Variants in SLC25A13 observed in about 807,000 individuals in gnomAD.
SLC25A13 encodes the protein solute carrier family 25 member 13, also known as electrogenic aspartate/glutamate antiporter SLC25A13, mitochondrial.
In SLC25A13, 70 loss-of-function variants were observed where a neutral mutation model predicts 85.5. That is an observed-to-expected ratio of 0.82 (90% CI 0.68 to 1.00). The LOEUF is 1.00. Ranked by LOEUF, SLC25A13 falls within the 50% of genes least tolerant of loss-of-function variation. SLC25A13 has a pLI of 0.00. For synonymous variants in SLC25A13, 259 were observed against 288.7 expected, an observed-to-expected ratio of 0.90 and a Z score of 1.04; for missense variants, 765 against 819.8, an observed-to-expected ratio of 0.93 and a Z score of 0.82.
chr7:96,303,739 C>T (rs1799638706), intron 1 of SLC25A13, among the ~76,000 whole-genome samples: 1 of 151,992 alleles, frequency 6.6e-6, no homozygotes. Context: ...TCCTGCCCTC[C>T]CATGTCAGTG....
At chr7:96,290,602 A>C (rs1016004685) in intron 2 of SLC25A13, among the ~76,000 whole-genome samples, 1 of 151,832 alleles carries the variant, frequency 6.6e-6, no homozygotes, top group African/African-American at 2.4e-5. Flanking sequence ...AAATGGAAAA[A>C]AAAAAAAAAA....
At chr7:96,294,954 C>T (rs1799292565) in intron 2 of SLC25A13, among the ~76,000 whole-genome samples, 1 of 152,164 alleles carries the variant, frequency 6.6e-6, no homozygotes. Flanking sequence ...TAAATCATTA[C>T]TTAATTTCAA....
chr7:96,185,434 T>C (rs1794596569), intron 9 of SLC25A13, among the ~76,000 whole-genome samples: 1 of 151,108 alleles, frequency 6.6e-6, no homozygotes, highest in Admixed American at 6.6e-5. Flanking sequence ...CCCATCTCTA[T>C]AATATAACAC....
At chr7:96,286,311 G>A (rs116984666) in intron 2 of SLC25A13, among the ~76,000 whole-genome samples, 15 of 147,716 alleles carry the variant, frequency 1.0e-4, no homozygotes, top group East Asian at 2.0e-4. Flanking sequence ...AAAATCTGTC[G>A]TATGCCTTAG....
intron 15 of SLC25A13, among the ~76,000 whole-genome samples, chr7:96,124,674 T>C (rs746753991): frequency 3.7e-4 from 57 of 152,242 alleles, no homozygotes; most frequent in Non-Finnish European, 7.6e-4. Flanking sequence ...TTCATATGAC[T>C]AGATTTTCTT....
intron 11 of SLC25A13, among the ~76,000 whole-genome samples, chr7:96,181,220 G>C (rs759520038): frequency 7.9e-5 from 12 of 152,154 alleles, no homozygotes; most frequent in South Asian, 2.1e-4. Flanking sequence ...TAGGAGAGAG[G>C]CTCCTGGAAA....
intron 1 of SLC25A13, 28 bp downstream of exon 1, chr7:96,321,914 C>T (rs2117049636): frequency 1.3e-6 from 2 of 1,526,694 alleles, no homozygotes; most frequent in Non-Finnish European, 1.8e-6. Flanking sequence ...GGCAGGCGCG[C>T]TCCCCCCGGC....
intron 3 of SLC25A13, among the ~76,000 whole-genome samples, chr7:96,246,357 G>A (rs547901196): frequency 5.9e-5 from 9 of 152,266 alleles, no homozygotes; most frequent in East Asian, 5.8e-4. Flanking sequence ...TGAGCTAAAC[G>A]ATTTTTTAAT....
At chr7:96,222,791 T>C (rs892385575) in intron 4 of SLC25A13, among the ~76,000 whole-genome samples, 4 of 152,216 alleles carry the variant, frequency 2.6e-5, no homozygotes, top group African/African-American at 9.6e-5. Context: ...TTTACTTCAG[T>C]TACAGAAAAA....
At chr7:96,303,627 T>C (rs553364234) in intron 1 of SLC25A13, among the ~76,000 whole-genome samples, 10 of 152,304 alleles carry the variant, frequency 6.6e-5, no homozygotes, top group African/African-American at 1.9e-4. Flanking sequence ...TTAGATGAAA[T>C]TGAGTGAGAT....
At chr7:96,263,513 A>C (rs1797934902) in intron 3 of SLC25A13, among the ~76,000 whole-genome samples, 1 of 152,000 alleles carries the variant, frequency 6.6e-6, no homozygotes, top group Non-Finnish European at 1.5e-5. Flanking sequence ...CCAGGCCTAT[A>C]AGCAGGTTGG....
At chr7:96,260,743 ACTT>A (rs1425873190) in intron 3 of SLC25A13, among the ~76,000 whole-genome samples, 5 of 151,870 alleles carry the variant, frequency 3.3e-5, no homozygotes, top group African/African-American at 9.7e-5. Context: ...AAATCCAACC[ACTT>A]CTTACCATTC....
At chr7:96,153,806 G>C (rs187328531) in intron 13 of SLC25A13, among the ~76,000 whole-genome samples, 1 of 152,170 alleles carries the variant, frequency 6.6e-6, no homozygotes, top group East Asian at 1.9e-4. Flanking sequence ...CTTTATTAGA[G>C]GAGAACAATA....
In SLC25A13 at chr7:96,189,310, G is replaced by A; in HGVS notation, c.917C>T (p.Ala306Val). The change falls in exon 9 of 18, where the codon GCT (alanine) becomes GTT (valine). Residue 306 changes from alanine (A) to valine (V), a missense_variant. Ala to Val is a moderately conservative substitution (Grantham distance 64). Transcript: ENST00000265631. The part of the protein sequence containing the change: ...LEEGTLPFNL[A>V]EAQRQKASGD... Reference sequence around the variant, plus strand: ...TTTGCTCACCTGCCTCTGGGCCTCAGCCAAGTTAAAGGGCAGAGTTCCCTC... The same window carrying A: ...TTTGCTCACCTGCCTCTGGGCCTCAACCAAGTTAAAGGGCAGAGTTCCCTC... The A allele has an allele frequency of 6.2e-7, 1 of 1,614,114 alleles. No individual in the cohort carries two copies. The highest frequency in any genetic ancestry group is 1.1e-5 in the South Asian group (1 of 91,064).
intron 3 of SLC25A13, among the ~76,000 whole-genome samples, chr7:96,261,131 TCTCCCATGGCTTA>T: frequency 6.6e-6 from 1 of 152,130 alleles, no homozygotes; most frequent in Non-Finnish European, 1.5e-5. Flanking sequence ...ATCCCTAGGG[TCTCCCATGGCTTA>T]CTCCTTCATT....
intron 11 of SLC25A13, among the ~76,000 whole-genome samples, chr7:96,182,718 C>T (rs960009999): frequency 6.6e-6 from 1 of 152,158 alleles, no homozygotes; most frequent in Non-Finnish European, 1.5e-5. Flanking sequence ...AAAATCAGAC[C>T]TGCCAGGTAT....
intron 4 of SLC25A13, among the ~76,000 whole-genome samples, chr7:96,213,162 C>T (rs1795767409): frequency 6.6e-6 from 1 of 152,148 alleles, no homozygotes; most frequent in Non-Finnish European, 1.5e-5. Context: ...CATTCATTTT[C>T]TGAAATGTTT....
At chr7:96,191,411 A>AT (rs1475865560) in intron 6 of SLC25A13, among the ~76,000 whole-genome samples, 164 bp from the exon 7 acceptor site, 1 of 152,200 alleles carries the variant, frequency 6.6e-6, no homozygotes, top group African/African-American at 2.4e-5. Flanking sequence ...GCTATAAATG[A>AT]TTTTTAGAAG....
intron 15 of SLC25A13, among the ~76,000 whole-genome samples, chr7:96,125,949 T>C (rs1241777181): frequency 6.6e-6 from 1 of 152,170 alleles, no homozygotes; most frequent in East Asian, 1.9e-4. Flanking sequence ...TTAATTATAG[T>C]TCTTAAAAGT....
Sources: allele counts gnomAD v4.1 joint callset (sites outside exome capture counted in the v4.1 genomes callset), GRCh38; gene constraint gnomAD v4.1.1; transcripts MANE v1.5; gene names NCBI Gene and HGNC (gene_info 2026-07-23, HGNC 2026-07-21).